The following PINX1 variants were observed in gnomAD, a reference collection of about 807,000 sequenced individuals.
The protein encoded by PINX1 is PIN2 (TERF1) interacting telomerase inhibitor 1, also known as PIN2/TERF1-interacting telomerase inhibitor 1.
A neutral mutation model predicts 25.4 loss-of-function variants in PINX1; 34 were observed. The ratio of observed to expected loss-of-function variants is 1.34; its 90% CI spans 1.02 to 1.78. The LOEUF (loss-of-function observed/expected upper bound fraction) is 1.78. PINX1 is among the 40% of genes most tolerant of loss of function. The pLI is 0.00. For synonymous variants in PINX1, 197 were observed against 147.7 expected (o/e 1.33, Z -2.42); for missense variants, 592 against 404.9 (o/e 1.46, Z -3.97).
At chr8:10,773,961 G>C (rs1163581108) in intron 6 of PINX1, among the ~76,000 whole-genome samples, 1 of 152,224 alleles carries the variant, frequency 6.6e-6, no homozygotes, top group Non-Finnish European at 1.5e-5. Flanking sequence ...ATGTGACACA[G>C]GCCTCAACTT....
chr8:10,800,141 T>C (rs1802220582), intron 6 of PINX1, among the ~76,000 whole-genome samples: 1 of 152,184 alleles, frequency 6.6e-6, no homozygotes, highest in Admixed American at 6.5e-5. Flanking sequence ...TTTTTCTATC[T>C]CCACTGTCAC....
chr8:10,827,581 T>G (rs1312399069), intron 4 of PINX1, among the ~76,000 whole-genome samples: 3 of 151,808 alleles, frequency 2.0e-5, no homozygotes, highest in Admixed American at 6.6e-5. Flanking sequence ...TCCTACAGTT[T>G]TAAGAACATT....
chr8:10,813,262 G>A (rs1262321774), intron 6 of PINX1, among the ~76,000 whole-genome samples: 1 of 152,056 alleles, frequency 6.6e-6, no homozygotes, highest in Non-Finnish European at 1.5e-5. Context: ...CAGGAAGGGG[G>A]ATCCACCTCC....
At position 10,765,405 on chromosome 8, in the gene PINX1, T is replaced by A; in HGVS notation, c.983A>T (p.Lys328Ile). Residue 328 changes from lysine (K) to isoleucine (I), a missense_variant, in exon 7 of 7, where the codon AAA becomes ATA. Coordinates refer to ENST00000314787, the MANE Select transcript of PINX1 (RefSeq NM_017884.6). ...LVKKKKKKDS[K>I] is the part of the protein sequence containing the mutation. Reference sequence around the variant, plus strand: ...AAGGCCCCGGCTGGGAAGGATTCATTTGGAATCTTTCTTCTTCTTCTTTTT... The same window carrying A: ...AAGGCCCCGGCTGGGAAGGATTCATATGGAATCTTTCTTCTTCTTCTTTTT... 6.3e-7 allele frequency: 1 copy of A among 1,599,536 alleles called. No individual in the cohort carries two copies. Among genetic ancestry groups the A allele is most frequent in the African/African-American group, 1.3e-5 (1 of 74,456 alleles).
rs189081229 is a variant in PINX1 at position 10,774,358 on chromosome 8, C to T, written c.472-8442G>A. ...ATGCAATGGCACAATCTCGGCTCAC[C>T]GCAACCTCCGCCTCCAGGGTTCAAG... On this transcript the variant is annotated intron_variant, in intron 6 of 6. Coordinates refer to ENST00000314787, the MANE Select transcript of PINX1 (RefSeq NM_017884.6). 3.7e-3 allele frequency among the ~76,000 whole-genome samples: 570 copies of T among 152,032 alleles called. 3 individuals carry two copies. Among genetic ancestry groups the T allele is most frequent in the African/African-American group, 0.013 (532 of 41,482 alleles).
At chr8:10,801,154 C>T (rs1234289662) in intron 6 of PINX1, among the ~76,000 whole-genome samples, 2 of 152,188 alleles carry the variant, frequency 1.3e-5, no homozygotes, top group Non-Finnish European at 2.9e-5. Context: ...GTGAACTCTT[C>T]TTCCCAGTAC....
chr8:10,801,197 G>C (rs762991306), intron 6 of PINX1, among the ~76,000 whole-genome samples: 2 of 152,214 alleles, frequency 1.3e-5, no homozygotes, highest in Non-Finnish European at 2.9e-5. Flanking sequence ...TGCAGAAAGG[G>C]AAGGAAGGGG....
intron 6 of PINX1, chr8:10,771,498 G>C (rs1269506470): frequency 6.6e-6 from 1 of 152,132 alleles, no homozygotes; most frequent in Non-Finnish European, 1.5e-5. Context: ...AATTTGCTTT[G>C]CTAGCATCTT....
intron 6 of PINX1, among the ~76,000 whole-genome samples, chr8:10,797,052 ACT>A (rs1802105410): frequency 6.6e-6 from 1 of 151,710 alleles, no homozygotes; most frequent in Non-Finnish European, 1.5e-5. Flanking sequence ...AAGCTGATCC[ACT>A]CTCTGTCTCC....
intron 6 of PINX1, among the ~76,000 whole-genome samples, chr8:10,784,425 G>C (rs1801685443): frequency 6.6e-6 from 1 of 152,134 alleles, no homozygotes; most frequent in Non-Finnish European, 1.5e-5. Flanking sequence ...ACAAGTTTCA[G>C]CGCTACCTAG....
At chr8:10,820,738 G>T (rs1334906269) in intron 5 of PINX1, among the ~76,000 whole-genome samples, 1 of 152,044 alleles carries the variant, frequency 6.6e-6, no homozygotes, top group Non-Finnish European at 1.5e-5. Context: ...GAATGAGAAC[G>T]TATCATATTT....
intron 6 of PINX1, among the ~76,000 whole-genome samples, chr8:10,782,396 A>C (rs1453279237): frequency 6.6e-6 from 1 of 151,284 alleles, no homozygotes; most frequent in African/African-American, 2.4e-5. Flanking sequence ...AACTCATAAC[A>C]TGTACAGCTT....
intron 1 of PINX1, among the ~76,000 whole-genome samples, chr8:10,835,646 C>T (rs1563241932): frequency 6.6e-6 from 1 of 152,130 alleles, no homozygotes; most frequent in East Asian, 1.9e-4. Flanking sequence ...CCATCATCTC[C>T]TTAGGGCTCA....
chr8:10,770,378 C>G lies in PINX1; in HGVS notation c.472-4462G>C, dbSNP rs143665042. The stretch of plus-strand genomic sequence containing the variant: ...AACAAAGAGTGGGCACAAAGGCAAG[C>G]TGACCCTGCAGAGAGTCCCTGCGGG... On this transcript the variant is annotated intron_variant, in intron 6 of 6. Transcript: ENST00000314787. Among the ~76,000 whole-genome samples the G allele has an allele frequency of 9.8e-4, 149 of 152,352 alleles. 1 individual carries two copies. The highest frequency in any genetic ancestry group is 3.3e-3 in the African/African-American group (136 of 41,584).
chr8:10,779,552 C>CT (rs1312982919), intron 6 of PINX1, among the ~76,000 whole-genome samples: 3 of 152,088 alleles, frequency 2.0e-5, no homozygotes, highest in South Asian at 2.1e-4. Context: ...CTCTCTCTCT[C>CT]TTTTTTTAAA....
At chr8:10,791,423 C>T (rs1158043890) in intron 6 of PINX1, among the ~76,000 whole-genome samples, 1 of 152,160 alleles carries the variant, frequency 6.6e-6, no homozygotes, top group African/African-American at 2.4e-5. Flanking sequence ...TATGAAGTGA[C>T]CAGCTTAGGG....
intron 4 of PINX1, among the ~76,000 whole-genome samples, chr8:10,826,769 T>C (rs1017317154): frequency 8.5e-5 from 13 of 152,182 alleles, no homozygotes; most frequent in African/African-American, 3.1e-4. Flanking sequence ...TATGACTCCA[T>C]CTACAGAACA....
intron 6 of PINX1, among the ~76,000 whole-genome samples, chr8:10,779,276 C>G (rs1368590564): frequency 1.3e-5 from 2 of 152,134 alleles, no homozygotes; most frequent in Non-Finnish European, 2.9e-5. Context: ...AAAGTTCAAA[C>G]CACAGAACCA....
chr8:10,839,261 G>A (rs1237166257), intron 1 of PINX1, among the ~76,000 whole-genome samples: 1 of 152,224 alleles, frequency 6.6e-6, no homozygotes, highest in Non-Finnish European at 1.5e-5. Flanking sequence ...CTAAGTGGCT[G>A]ACGTCCCATA....
Sources: gnomAD v4.1 joint callset for allele counts (sites outside exome capture counted in the v4.1 genomes callset) on GRCh38, gnomAD v4.1.1 for gene constraint, MANE v1.5 for transcripts, NCBI Gene and HGNC (gene_info 2026-07-23, HGNC 2026-07-21) for gene names.